The following SNTG2 variants were observed in gnomAD, a reference collection of about 807,000 sequenced individuals.
SNTG2 encodes the protein gamma-2-syntrophin.
Under a neutral mutation model 70.9 loss-of-function variants are expected in SNTG2, and 74 were observed. The observed-to-expected ratio is 1.04, with a 90% confidence interval of 0.86 to 1.27. The LOEUF (loss-of-function observed/expected upper bound fraction) is 1.27, where lower values mean the gene tolerates loss of function less well. Ranked by LOEUF, SNTG2 falls within the 50% of genes most tolerant of loss-of-function variation. SNTG2 has a pLI of 0.00. For missense variants in SNTG2, 717 were observed against 690.7 expected, an observed-to-expected ratio of 1.04 and a Z score of -0.43; for synonymous variants, 278 against 273.8, an observed-to-expected ratio of 1.02 and a Z score of -0.15.
intron 15 of SNTG2, among the ~76,000 whole-genome samples, chr2:1,310,468 A>G (rs1487391980): frequency 2.0e-5 from 3 of 152,218 alleles, no homozygotes; most frequent in Non-Finnish European, 4.4e-5. Flanking sequence ...AAAAATGAAA[A>G]GAACATCCAT....
At chr2:1,169,798 A>G (rs1572633306) in intron 7 of SNTG2, among the ~76,000 whole-genome samples, 2 of 152,192 alleles carry the variant, frequency 1.3e-5, no homozygotes, top group East Asian at 3.9e-4. Flanking sequence ...CCTCGGGCAC[A>G]TGCAGGAAAG....
In SNTG2 at chr2:1,308,703, C is replaced by T. The variant is rs574895869; in HGVS notation, c.1377+117C>T. Reference sequence around the variant, plus strand: ...CCACCAACCTTGCTGGATTGTGTATCGTGCAGAGGCCTTGCTTTCATAGAC... The same window carrying T: ...CCACCAACCTTGCTGGATTGTGTATTGTGCAGAGGCCTTGCTTTCATAGAC... On this transcript the variant is annotated intron_variant, in intron 15 of 16. Transcript: ENST00000308624. The T allele has an allele frequency of 1.8e-4, 143 of 809,560 alleles. No homozygotes were observed. In the East Asian group the frequency reaches 3.0e-3, roughly 17 times the overall value. The allele number at this position is 809,560 out of a possible 1,614,324, so 50.1% of individuals were successfully genotyped here.
rs1435304760 is a variant in SNTG2, at chr2:965,234, C to T, written c.72+14166C>T. ...CCCAATCCTCCTCCTGGTCCCCAGT[C>T]CTCCTCCTTGGACCCCAATCCTCCT... On this transcript the variant is annotated intron_variant, in intron 1 of 16. Transcript: ENST00000308624. Among the ~76,000 whole-genome samples the T allele has an allele frequency of 1.4e-4, 20 of 141,202 alleles. 2 individuals are homozygous for T. The highest frequency in any genetic ancestry group is 4.7e-4 in the African/African-American group (18 of 38,116). The allele number at this position is 141,202 out of a possible 152,430, so 92.6% of individuals were successfully genotyped here.
chr2:990,247 T>A (rs1225324688), intron 1 of SNTG2, among the ~76,000 whole-genome samples: 2 of 152,218 alleles, frequency 1.3e-5, no homozygotes, highest in Non-Finnish European at 2.9e-5. Context: ...TGGAGCCGCC[T>A]CAGAGAGGCC....
chr2:1,255,368 G>C (rs1019811914), intron 12 of SNTG2, among the ~76,000 whole-genome samples: 1 of 152,020 alleles, frequency 6.6e-6, no homozygotes, highest in Non-Finnish European at 1.5e-5. Flanking sequence ...AAAACATCAA[G>C]AACACCAATG....
At chr2:1,232,422 C>T (rs1399611428) in intron 9 of SNTG2, among the ~76,000 whole-genome samples, 1 of 152,094 alleles carries the variant, frequency 6.6e-6, no homozygotes, top group Non-Finnish European at 1.5e-5. Flanking sequence ...GCCTCAGCCT[C>T]CCAAGCAGCT....
At chr2:1,025,285 G>A (rs925003716) in intron 1 of SNTG2, among the ~76,000 whole-genome samples, 5 of 152,156 alleles carry the variant, frequency 3.3e-5, no homozygotes, top group African/African-American at 7.2e-5. Context: ...AGCACAGGAC[G>A]GGGTGAGGGT....
chr2:1,193,797 T>G (rs1443667747), intron 8 of SNTG2, among the ~76,000 whole-genome samples: 1 of 152,212 alleles, frequency 6.6e-6, no homozygotes, highest in African/African-American at 2.4e-5. Flanking sequence ...ACAGTTTACA[T>G]TTTAGATTCC....
intron 16 of SNTG2, among the ~76,000 whole-genome samples, chr2:1,361,159 T>C (rs888315809): frequency 6.6e-6 from 1 of 152,268 alleles, no homozygotes; most frequent in Admixed American, 6.5e-5. Flanking sequence ...TTGTCCCATC[T>C]GTGGGGGCCA....
chr2:972,582 G>A (rs977389433), intron 1 of SNTG2, among the ~76,000 whole-genome samples: 1 of 152,096 alleles, frequency 6.6e-6, no homozygotes, highest in Non-Finnish European at 1.5e-5. Context: ...CAAATCTCAT[G>A]TCGGATCATC....
intron 1 of SNTG2, among the ~76,000 whole-genome samples, chr2:1,056,137 C>G (rs1477961324): frequency 6.6e-6 from 1 of 151,570 alleles, no homozygotes; most frequent in Non-Finnish European, 1.5e-5. Flanking sequence ...ACCAAGAGCA[C>G]GGGGAGGACT....
rs1420407812 is a variant in SNTG2 at position 1,051,279 on chromosome 2, T to A, written c.73-32239T>A. Among the ~76,000 whole-genome samples, 6 of 151,330 alleles carry A rather than the reference T, an allele frequency of 4.0e-5. No homozygotes were observed. The South Asian group carries it at 1.3e-3, about 32-fold the overall frequency. Reference sequence around the variant, plus strand: ...GTACCATGCCGTATTGAAGTGGTGCTGTTGAGCACCCTTTGCTCATTCCTT... The same window carrying A: ...GTACCATGCCGTATTGAAGTGGTGCAGTTGAGCACCCTTTGCTCATTCCTT... On this transcript the variant is annotated intron_variant, in intron 1 of 16. Coordinates refer to ENST00000308624, the MANE Select transcript of SNTG2 (RefSeq NM_018968.4).
At chr2:1,175,609 AATATTTTCC>A (rs1671421026) in intron 8 of SNTG2, among the ~76,000 whole-genome samples, 1 of 152,158 alleles carries the variant, frequency 6.6e-6, no homozygotes, top group African/African-American at 2.4e-5. Flanking sequence ...CATATTATTT[AATATTTTCC>A]TACAGAGTCT....
At chr2:990,525 A>G (rs1476024747) in intron 1 of SNTG2, among the ~76,000 whole-genome samples, 1 of 152,214 alleles carries the variant, frequency 6.6e-6, no homozygotes, top group Non-Finnish European at 1.5e-5. Flanking sequence ...GGCACAGATC[A>G]CATGAGGAGG....
intron 1 of SNTG2, among the ~76,000 whole-genome samples, chr2:1,075,462 T>C (rs1358352886): frequency 6.6e-6 from 1 of 152,238 alleles, no homozygotes; most frequent in African/African-American, 2.4e-5. Context: ...TTTGTCATTG[T>C]TCATTGGAAG....
At chr2:1,080,065 T>C (rs10188332) in intron 1 of SNTG2, among the ~76,000 whole-genome samples, 119,360 of 152,096 alleles carry the variant, frequency 0.78, 47,136 homozygotes, top group Admixed American at 0.88. Flanking sequence ...AGGTCCTCCA[T>C]GAGAGCCCCA....
intron 8 of SNTG2, among the ~76,000 whole-genome samples, chr2:1,203,132 A>G (rs774923423): frequency 2.0e-5 from 3 of 152,208 alleles, no homozygotes; most frequent in African/African-American, 4.8e-5. Context: ...TCATGTGAGC[A>G]TGGAACATTC....
intron 1 of SNTG2, among the ~76,000 whole-genome samples, chr2:979,238 A>G (rs1012104047): frequency 1.3e-5 from 2 of 152,194 alleles, no homozygotes; most frequent in African/African-American, 4.8e-5. Context: ...TGGTATAAAT[A>G]CATCTATAGT....
At chr2:1,233,904 G>A (rs1404580392) in intron 9 of SNTG2, among the ~76,000 whole-genome samples, 2 of 152,082 alleles carry the variant, frequency 1.3e-5, no homozygotes, top group African/African-American at 2.4e-5. Context: ...TCTTCTCGGT[G>A]GACCCCGGGG....
Sources: gnomAD v4.1 joint callset for allele counts (sites outside exome capture counted in the v4.1 genomes callset) on GRCh38, gnomAD v4.1.1 for gene constraint, MANE v1.5 for transcripts, NCBI Gene and HGNC (gene_info 2026-07-23, HGNC 2026-07-21) for gene names.